Variants in XKR4 observed in about 807,000 individuals in gnomAD.
XKR4 encodes the protein XK related 4, also known as XK-related protein 4.
XKR4 carries 12 observed loss-of-function variants against 53.9 expected under a neutral mutation model. That is an observed-to-expected ratio of 0.22 (90% CI 0.14 to 0.36). XKR4 has a LOEUF of 0.36. Among genes scored for constraint, XKR4 ranks in the 10% least tolerant of loss-of-function variants. The pLI is 1.00. For synonymous variants in XKR4, 354 were observed against 362.4 expected (o/e 0.98, Z 0.26); for missense variants, 799 against 859.5 (o/e 0.93, Z 0.88).
chr8:55,416,777 C>T (rs181367600), intron 2 of XKR4, among the ~76,000 whole-genome samples: 32 of 152,266 alleles, frequency 2.1e-4, no homozygotes, highest in African/African-American at 7.5e-4. Flanking sequence ...ATGTATTTTA[C>T]CTGATACCAC....
chr8:55,125,351 C>T (rs191049677), intron 1 of XKR4, among the ~76,000 whole-genome samples: 15 of 152,286 alleles, frequency 9.8e-5, no homozygotes, highest in Middle Eastern at 3.4e-3. Flanking sequence ...TCTCCTGCCT[C>T]GGCCTCCCGA....
intron 1 of XKR4, among the ~76,000 whole-genome samples, chr8:55,192,784 G>C (rs1409943382): frequency 2.0e-5 from 3 of 152,172 alleles, no homozygotes; most frequent in Non-Finnish European, 4.4e-5. Flanking sequence ...GAACAAACTT[G>C]TATGTAGGAA....
intron 1 of XKR4, among the ~76,000 whole-genome samples, chr8:55,328,960 C>T (rs1399477022): frequency 6.6e-6 from 1 of 152,158 alleles, no homozygotes. Context: ...CTCTCCTCCA[C>T]TACCTCGCAG....
chr8:55,220,169 C>T (rs1248452679), intron 1 of XKR4, among the ~76,000 whole-genome samples: 1 of 152,010 alleles, frequency 6.6e-6, no homozygotes, highest in African/African-American at 2.4e-5. Flanking sequence ...TATCACTTTG[C>T]ATCCCCCATA....
At chr8:55,501,905 C>T (rs1454666486) in intron 2 of XKR4, among the ~76,000 whole-genome samples, 2 of 152,174 alleles carry the variant, frequency 1.3e-5, no homozygotes, top group Admixed American at 6.5e-5. Flanking sequence ...AATCCACAAA[C>T]GCTCAAGTCT....
chr8:55,140,300 T>C (rs767437523), intron 1 of XKR4: 25 of 229,046 alleles, frequency 1.1e-4, no homozygotes, highest in Non-Finnish European at 2.0e-4. Context: ...AATGTGGTGT[T>C]CATGGAAGTC....
chr8:55,231,457 T>C (rs1180484572), intron 1 of XKR4, among the ~76,000 whole-genome samples: 6 of 152,222 alleles, frequency 3.9e-5, no homozygotes, highest in African/African-American at 7.2e-5. Context: ...TTTTTGCTTT[T>C]ATCTTATTTT....
rs143965886 is a variant in XKR4, at chr8:55,201,835, A to G, written c.806+98541A>G. 2.1e-3 allele frequency among the ~76,000 whole-genome samples: 325 copies of G among 152,268 alleles called. 1 individual carries two copies. Among genetic ancestry groups the G allele is most frequent in the African/African-American group, 7.3e-3 (304 of 41,544 alleles). The stretch of plus-strand genomic sequence containing the variant: ...CAGCCTCTTGTTGCCTACAAAGTTG[A>G]GCATTTATAGGAAAGGATGGTTTCC... On this transcript the variant is annotated intron_variant, in intron 1 of 2. Transcript: ENST00000327381.
intron 2 of XKR4, among the ~76,000 whole-genome samples, chr8:55,497,203 G>A (rs1009716855): frequency 1.3e-5 from 2 of 152,098 alleles, no homozygotes; most frequent in Admixed American, 6.5e-5. Context: ...TCCCTATTAC[G>A]CTAAGCACTT....
chr8:55,434,871 G>A (rs893143463), intron 2 of XKR4, among the ~76,000 whole-genome samples: 2 of 152,194 alleles, frequency 1.3e-5, no homozygotes, highest in East Asian at 1.9e-4. Context: ...CTACACAGGG[G>A]CACACATGGC....
intron 2 of XKR4, among the ~76,000 whole-genome samples, chr8:55,484,342 C>A (rs555781226): frequency 1.3e-5 from 2 of 152,252 alleles, no homozygotes; most frequent in Admixed American, 6.5e-5. Context: ...TCATATTACC[C>A]TGACTCTACA....
chr8:55,252,390 G>A (rs1448003774), intron 1 of XKR4, among the ~76,000 whole-genome samples: 1 of 152,138 alleles, frequency 6.6e-6, no homozygotes, highest in Non-Finnish European at 1.5e-5. Flanking sequence ...TGTACACTGA[G>A]AGGCAAGGAC....
chr8:55,512,466 C>T (rs1472547069), intron 2 of XKR4, among the ~76,000 whole-genome samples: 1 of 152,204 alleles, frequency 6.6e-6, no homozygotes, highest in Non-Finnish European at 1.5e-5. Context: ...TGGCCTGTGC[C>T]CATCTCTTCT....
chr8:55,509,321 T>C (rs1806588221), intron 2 of XKR4, among the ~76,000 whole-genome samples: 1 of 152,246 alleles, frequency 6.6e-6, no homozygotes, highest in Non-Finnish European at 1.5e-5. Flanking sequence ...TGTGAACTCA[T>C]ACTTCCAGGA....
chr8:55,211,066 TG>T (rs1458038125), intron 1 of XKR4, among the ~76,000 whole-genome samples: 1 of 152,222 alleles, frequency 6.6e-6, no homozygotes, highest in Non-Finnish European at 1.5e-5. Flanking sequence ...TTCCCTTATC[TG>T]TGCCTGCAAC....
intron 2 of XKR4, chr8:55,450,874 C>T (rs1046499370): frequency 8.5e-6 from 4 of 471,928 alleles, no homozygotes; most frequent in African/African-American, 6.0e-5. Context: ...CAGGAGCTCC[C>T]CCCTCCCAGC....
intron 1 of XKR4, among the ~76,000 whole-genome samples, chr8:55,306,031 C>T (rs148897470): frequency 1.3e-5 from 2 of 152,210 alleles, no homozygotes; most frequent in African/African-American, 4.8e-5. Context: ...CTGAAGGGAT[C>T]AGGTGAAAGA....
At chr8:55,462,239 C>G (rs1462529318) in intron 2 of XKR4, among the ~76,000 whole-genome samples, 1 of 152,164 alleles carries the variant, frequency 6.6e-6, no homozygotes, top group East Asian at 1.9e-4. Flanking sequence ...GTCGGGTTAC[C>G]CACAAAGGGA....
chr8:55,132,627 G>A (rs975852325), intron 1 of XKR4, among the ~76,000 whole-genome samples: 6 of 152,096 alleles, frequency 3.9e-5, no homozygotes, highest in African/African-American at 1.4e-4. Flanking sequence ...TGACTCCAGG[G>A]CCATATTATT....
Sources: gnomAD v4.1 joint callset for allele counts (sites outside exome capture counted in the v4.1 genomes callset) on GRCh38, gnomAD v4.1.1 for gene constraint, MANE v1.5 for transcripts, NCBI Gene and HGNC (gene_info 2026-07-23, HGNC 2026-07-21) for gene names.